The following SAMD3 variants were observed in gnomAD, a reference collection of about 807,000 sequenced individuals.
SAMD3 encodes sterile alpha motif domain-containing protein 3.
SAMD3 carries 63 observed loss-of-function variants against 58.5 expected under a neutral mutation model. The observed-to-expected ratio is 1.08, with a 90% CI of 0.88 to 1.33. The LOEUF (loss-of-function observed/expected upper bound fraction) is 1.33. SAMD3 is among the 40% of genes most tolerant of loss of function. SAMD3 has a pLI of 0.00. For missense variants in SAMD3, 604 were observed against 608.4 expected (o/e 0.99, Z 0.08); for synonymous variants, 220 against 210.3 (o/e 1.05, Z -0.40).
At position 130,219,697 on chromosome 6, in the gene SAMD3, G is replaced by A. The variant is rs145738865; in HGVS notation, c.-68+2997C>T. On this transcript the variant is annotated intron_variant, in intron 1 of 11. Transcript: ENST00000439090. ...TTTTATGGTTGAGTAGTATTCTATC[G>A]TATATATACCACAGTTTCTTTATCC... is the stretch of plus-strand genomic sequence containing the variant. Among the ~76,000 whole-genome samples, 123 of 152,202 alleles carry A rather than the reference G, an allele frequency of 8.1e-4. 1 individual carries two copies. The highest frequency in any genetic ancestry group is 2.5e-3 in the African/African-American group (103 of 41,516).
At chr6:130,330,896 T>C (rs1441755347) in intron 1 of SAMD3, among the ~76,000 whole-genome samples, 1 of 152,212 alleles carries the variant, frequency 6.6e-6, no homozygotes, top group Non-Finnish European at 1.5e-5. Flanking sequence ...TTTATCTCTC[T>C]TAAGAATCTG....
intron 2 of SAMD3, among the ~76,000 whole-genome samples, chr6:130,271,784 C>T (rs1341764792): frequency 6.6e-6 from 1 of 152,162 alleles, no homozygotes; most frequent in Non-Finnish European, 1.5e-5. Context: ...GCCTCATATT[C>T]GTGGCAGAAG....
At position 130,192,992 on chromosome 6, in the gene SAMD3, C is replaced by T. The variant is rs563143766; in HGVS notation, c.384-8369G>A. Among the ~76,000 whole-genome samples, 22 of 152,294 alleles carry T rather than the reference C, an allele frequency of 1.4e-4. 1 individual carries two copies. The highest frequency in any genetic ancestry group is 5.3e-4 in the African/African-American group (22 of 41,570). ...AATTCCTTTCATTTTCTGGTAGAGACAAAGGAGACACGTTTCATCCGTGGA... is the reference window on the plus strand; with the variant it reads ...AATTCCTTTCATTTTCTGGTAGAGATAAAGGAGACACGTTTCATCCGTGGA... On this transcript the variant is annotated intron_variant, in intron 5 of 11. Coordinates refer to ENST00000439090, the MANE Select transcript of SAMD3 (RefSeq NM_001017373.4).
At chr6:130,197,397 AC>A (rs1794233493) in intron 5 of SAMD3, among the ~76,000 whole-genome samples, 1 of 152,178 alleles carries the variant, frequency 6.6e-6, no homozygotes, top group Non-Finnish European at 1.5e-5. Context: ...CTATCCCCAA[AC>A]TGCCACTCTT....
chr6:130,149,603 A>G (rs1428656487), intron 9 of SAMD3, among the ~76,000 whole-genome samples: 3 of 152,206 alleles, frequency 2.0e-5, no homozygotes, highest in Admixed American at 6.5e-5. Flanking sequence ...AAGCAAATTA[A>G]TGCAGGACTA....
intron 2 of SAMD3, among the ~76,000 whole-genome samples, chr6:130,250,249 T>C (rs528266123): frequency 6.6e-6 from 1 of 152,304 alleles, no homozygotes; most frequent in South Asian, 2.1e-4. Context: ...TTTTGGACAC[T>C]GCATTTGACA....
At chr6:130,252,380 T>C (rs1033479343) in intron 2 of SAMD3, among the ~76,000 whole-genome samples, 5 of 107,416 alleles carry the variant, frequency 4.7e-5, no homozygotes, top group African/African-American at 1.5e-4. Flanking sequence ...TTACATCTCA[T>C]TTTTTTTCTT....
intron 1 of SAMD3, among the ~76,000 whole-genome samples, chr6:130,363,414 T>A (rs941234169): frequency 1.3e-4 from 20 of 152,230 alleles, no homozygotes; most frequent in African/African-American, 4.8e-4. Context: ...ACTTTTATAA[T>A]ACTATACCAA....
chr6:130,184,625 T>C lies in SAMD3; in HGVS notation c.384-2A>G. On this transcript the variant is annotated splice_acceptor_variant, in intron 5 of 11. Coordinates refer to ENST00000439090, the MANE Select transcript of SAMD3 (RefSeq NM_001017373.4). LOFTEE classifies it high-confidence loss of function. ...GCTAGAATTTGTTTCACATTTCTTC[T>C]GTGAAATAAAAACACACAAAGAATG... The C allele has an allele frequency of 6.2e-7, 1 of 1,600,534 alleles. No individual in the cohort carries two copies. Among genetic ancestry groups the C allele is most frequent in the Non-Finnish European group, 8.5e-7 (1 of 1,171,476 alleles).
At chr6:130,332,914 T>C (rs1243894631) in intron 1 of SAMD3, among the ~76,000 whole-genome samples, 1 of 152,174 alleles carries the variant, frequency 6.6e-6, no homozygotes, top group Non-Finnish European at 1.5e-5. Flanking sequence ...CTATAATTTT[T>C]ATATTGTAGC....
chr6:130,181,360 G>T (rs1160447941), intron 7 of SAMD3, among the ~76,000 whole-genome samples: 1 of 152,026 alleles, frequency 6.6e-6, no homozygotes, highest in African/African-American at 2.4e-5. Flanking sequence ...CTGAAATTTT[G>T]TACATTTTCC....
intron 9 of SAMD3, among the ~76,000 whole-genome samples, chr6:130,148,370 G>A (rs1002702865): frequency 6.6e-6 from 1 of 152,232 alleles, no homozygotes; most frequent in Non-Finnish European, 1.5e-5. Context: ...GCCAGTAGGA[G>A]TCGCTTCAAA....
chr6:130,350,248 A>C (rs1335765870), intron 1 of SAMD3, among the ~76,000 whole-genome samples: 1 of 152,218 alleles, frequency 6.6e-6, no homozygotes, highest in East Asian at 1.9e-4. Context: ...AAAGAAATAA[A>C]GGGCATTCAA....
rs553218659 is a variant in SAMD3, at chr6:130,348,810, T to C, written c.-304+16310A>G. On this transcript the variant is annotated intron_variant, in intron 1 of 13. Transcript: ENST00000368134. ...GCACCACACCACACCTATTCCAAAA[T>C]TGACCACATAGTTGGAAGTAAAGCA... Among the ~76,000 whole-genome samples, 4 of 152,220 alleles carry C rather than the reference T, an allele frequency of 2.6e-5. No homozygotes were observed. In the East Asian group the frequency reaches 5.8e-4, roughly 22 times the overall value.
chr6:130,308,879 A>C (rs957446615), intron 2 of SAMD3, among the ~76,000 whole-genome samples: 4 of 152,186 alleles, frequency 2.6e-5, no homozygotes, highest in South Asian at 4.1e-4. Flanking sequence ...GAATGAGTGC[A>C]TGGTGATCTT....
chr6:130,175,925 CTT>C lies in SAMD3; in HGVS notation c.736_737del (p.Lys246ValfsTer2), dbSNP rs1160223851. ...GGCCTCTTCGGTGTCCAAATTTACA[CTT>C]ATTTCTAATCACTTGCTCATCATCT... ...IEDDEQVIRN[K>X]CKFGHRRGQT... On this transcript the variant is annotated frameshift_variant, in exon 8 of 12. Transcript: ENST00000439090. LOFTEE classifies it high-confidence loss of function. 1 of 1,613,304 alleles carries C rather than the reference CTT, an allele frequency of 6.2e-7. No individual in the cohort carries two copies. Among genetic ancestry groups the C allele is most frequent in the Non-Finnish European group, 8.5e-7 (1 of 1,179,336 alleles).
At chr6:130,314,473 G>C (rs528997632) in intron 1 of SAMD3, among the ~76,000 whole-genome samples, 1 of 152,146 alleles carries the variant, frequency 6.6e-6, no homozygotes, top group Non-Finnish European at 1.5e-5. Context: ...AAAGGCATAC[G>C]TTCTTACAGT....
chr6:130,291,117 G>T (rs968015898), intron 2 of SAMD3, among the ~76,000 whole-genome samples: 1 of 152,054 alleles, frequency 6.6e-6, no homozygotes, highest in Admixed American at 6.6e-5. Flanking sequence ...TTGAGAAGGA[G>T]TCTCACTCTG....
At chr6:130,338,315 T>G (rs1489800917) in intron 1 of SAMD3, among the ~76,000 whole-genome samples, 4 of 152,216 alleles carry the variant, frequency 2.6e-5, no homozygotes, top group Non-Finnish European at 5.9e-5. Context: ...TTTATGGAAA[T>G]GTCTGGATGT....
Sources: allele counts gnomAD v4.1 joint callset (sites outside exome capture counted in the v4.1 genomes callset), GRCh38; gene constraint gnomAD v4.1.1; transcripts MANE v1.5; gene names NCBI Gene and HGNC (gene_info 2026-07-23, HGNC 2026-07-21).